Variants in OGDHL observed in about 807,000 individuals in gnomAD.
The protein encoded by OGDHL is oxoglutarate dehydrogenase L, also known as 2-oxoglutarate dehydrogenase-like, mitochondrial.
Under a neutral mutation model 109.6 loss-of-function variants are expected in OGDHL, and 79 were observed. The observed-to-expected ratio is 0.72, with a 90% CI of 0.60 to 0.87. OGDHL has a LOEUF of 0.87. Ranked by LOEUF, OGDHL falls within the 40% of genes least tolerant of loss-of-function variation. OGDHL has a pLI of 0.00. For missense variants in OGDHL, 1,275 were observed against 1,362.2 expected (o/e 0.94, Z 1.01); for synonymous variants, 528 against 537.2 (o/e 0.98, Z 0.24).
intron 4 of OGDHL, 23 bp from the exon 5 acceptor site, chr10:49,752,271 G>C: frequency 6.3e-7 from 1 of 1,585,804 alleles, no homozygotes; most frequent in Non-Finnish European, 8.6e-7. Context: ...GCGTGGCCGA[G>C]CCCCGGGCAG....
rs7910114 is a variant in OGDHL at position 49,745,784 on chromosome 10, G to A, written c.1476+14C>T. 0.2 allele frequency: 325,623 copies of A among 1,611,800 alleles called. 35,903 individuals carry two copies. The highest frequency in any genetic ancestry group is 0.41 in the African/African-American group (30,446 of 74,902). On this transcript the variant is annotated intron_variant, in intron 11 of 22. Coordinates refer to ENST00000374103, the MANE Select transcript of OGDHL (RefSeq NM_018245.3). ...GCCACCCACCCATGCCTTGGCCTCA[G>A]TCCCCAGACCCACCAGGTCCACGAC...
Position 49,745,416 on chromosome 10 carries a change from T to C in OGDHL, c.1557A>G (p.Arg519=). ...CGTACTTCTTCAGCACAGGCACCTG[T>C]CTGTGGATCTGCTTGTACATGAGCG... ...TQPLMYKQIH[R]QVPVLKKYAD... Residue 519 remains arginine (R), a synonymous_variant, in exon 12 of 23, where the codon AGA becomes AGG. Coordinates refer to ENST00000374103, the MANE Select transcript of OGDHL (RefSeq NM_018245.3). 1 of 1,614,138 alleles carries C rather than the reference T, an allele frequency of 6.2e-7. No individual in the cohort carries two copies.
chr10:49,752,009 G>A (rs374491002), intron 5 of OGDHL, 28 bp from the exon 6 acceptor site: 10 of 1,613,576 alleles, frequency 6.2e-6, no homozygotes, highest in Non-Finnish European at 5.9e-6. Context: ...GACCCCATGA[G>A]GAGCGGGGAA....
rs994166265 is a variant in OGDHL at position 49,742,051 on chromosome 10, C to T, written c.2012+777G>A. Among the ~76,000 whole-genome samples the T allele has an allele frequency of 4.9e-4, 65 of 132,812 alleles. 1 individual carries two copies. Among genetic ancestry groups the T allele is most frequent in the Non-Finnish European group, 1.6e-4 (10 of 63,716 alleles). The allele number at this position is 132,812 out of a possible 152,430, so 87.1% of individuals were successfully genotyped here. A position where few individuals can be genotyped will look rare whatever the true frequency, so the allele number is the denominator to read the frequency against. On this transcript the variant is annotated intron_variant, in intron 15 of 22. Transcript: ENST00000374103. Reference sequence around the variant, plus strand: ...CATGACACATACCACACATATCACACGCACACCACACTACACACCACACAC... The same window carrying T: ...CATGACACATACCACACATATCACATGCACACCACACTACACACCACACAC...
chr10:49,741,082 C>G (rs941508034), intron 15 of OGDHL, among the ~76,000 whole-genome samples: 1 of 152,148 alleles, frequency 6.6e-6, no homozygotes, highest in African/African-American at 2.4e-5. Flanking sequence ...GCCCACACAC[C>G]ACGCACTGGG....
intron 8 of OGDHL, 152 bp downstream of exon 8, chr10:49,749,574 A>G (rs1376273668): frequency 2.5e-5 from 17 of 670,316 alleles, no homozygotes; most frequent in Non-Finnish European, 4.2e-5. Context: ...TAGGGTCCTC[A>G]GGCAAACACC....
chr10:49,739,916 C>T (rs1167393855), intron 16 of OGDHL, 77 bp from the exon 17 acceptor site: 1 of 1,453,966 alleles, frequency 6.9e-7, no homozygotes, highest in Non-Finnish European at 9.3e-7. Context: ...TAGCCTTTCT[C>T]AGTATATCCT....
chr10:49,741,916 C>A (rs1383992696), intron 15 of OGDHL, among the ~76,000 whole-genome samples: 1 of 145,982 alleles, frequency 6.9e-6, no homozygotes, highest in Non-Finnish European at 1.5e-5. Flanking sequence ...AACACACACA[C>A]CACACAGACT....
Position 49,744,100 on chromosome 10 carries a change from C to T in OGDHL, c.1755G>A (p.Glu585=). 2 of 1,614,056 alleles carry T rather than the reference C, an allele frequency of 1.2e-6. No individual in the cohort carries two copies. The highest frequency in any genetic ancestry group is 1.7e-6 in the Non-Finnish European group (2 of 1,179,958). ...TGGCTGGGCATGTCATGCTCTTGGG[C>T]TCCCCATCTACGTTGAAGAAGCCTG... ...PWPGFFNVDG[E]PKSMTCPATG... Residue 585 remains glutamate, a synonymous_variant, in exon 14 of 23, where the codon GAG becomes GAA. Transcript: ENST00000374103.
chr10:49,749,898 G>A, intron 7 of OGDHL, 82 bp from the exon 8 acceptor site: 1 of 1,211,930 alleles, frequency 8.3e-7, no homozygotes. Flanking sequence ...GGCCTGGCCT[G>A]GCCTAATACA....
At chr10:49,746,601 C>A in intron 10 of OGDHL, 149 bp downstream of exon 10, 1 of 1,047,714 alleles carries the variant, frequency 9.5e-7, no homozygotes, top group Non-Finnish European at 1.4e-6. Context: ...CAGACCAGGA[C>A]ACCAAGGCTG....
At chr10:49,743,094 G>A in intron 14 of OGDHL, 116 bp from the exon 15 acceptor site, 1 of 1,340,198 alleles carries the variant, frequency 7.5e-7, no homozygotes, top group South Asian at 1.5e-5. Context: ...GATTTGGTTG[G>A]AGGGCAGGGA....
At chr10:49,757,432 C>T (rs1842982514) in intron 2 of OGDHL, among the ~76,000 whole-genome samples, 1 of 152,192 alleles carries the variant, frequency 6.6e-6, no homozygotes, top group African/African-American at 2.4e-5. Flanking sequence ...TCAGTTGGTA[C>T]AATCCCCATG....
At chr10:49,746,980 G>A (rs2133037690) in intron 9 of OGDHL, 49 bp downstream of exon 9, 1 of 1,608,604 alleles carries the variant, frequency 6.2e-7, no homozygotes, top group Non-Finnish European at 8.5e-7. Flanking sequence ...AGCCCTCTGG[G>A]CCCACCCTGA....
intron 22 of OGDHL, among the ~76,000 whole-genome samples, chr10:49,735,768 G>A (rs1342739411): frequency 6.6e-6 from 1 of 152,218 alleles, no homozygotes; most frequent in Non-Finnish European, 1.5e-5. Context: ...CCTTTGTAGA[G>A]ATGCAGGGAC....
rs143542877 is a variant in OGDHL, at chr10:49,738,236, G to C, written c.2346C>G (p.Pro782=). The change falls in exon 18 of 23, where the codon CCC becomes CCG. Residue 782 remains proline (P), a synonymous_variant. Transcript: ENST00000374103. ...GMGPEHSSAR[P]ERFLQMSNDD... The stretch of plus-strand genomic sequence containing the variant: ...CATTGCTCATCTGCAGGAACCTTTC[G>C]GGCCTCGCTGACGAGTGCTCTGGGC... The C allele has an allele frequency of 1.2e-6, 2 of 1,613,468 alleles. No individual in the cohort carries two copies. The highest frequency in any genetic ancestry group is 2.2e-5 in the East Asian group (1 of 44,856).
intron 12 of OGDHL, 150 bp downstream of exon 12, chr10:49,745,194 T>A: frequency 1.0e-6 from 1 of 976,178 alleles, no homozygotes; most frequent in Non-Finnish European, 1.5e-6. Context: ...TTGGTCCCCT[T>A]TGGTAACTGG....
intron 16 of OGDHL, 73 bp downstream of exon 16, chr10:49,740,637 G>A (rs1166665127): frequency 5.5e-5 from 85 of 1,544,114 alleles, no homozygotes; most frequent in Non-Finnish European, 6.8e-5. Context: ...CCCTGGCCCC[G>A]GTCCCTTCCC....
At chr10:49,745,717 G>A (rs1842129808) in intron 11 of OGDHL, 81 bp downstream of exon 11, 5 of 1,511,106 alleles carry the variant, frequency 3.3e-6, no homozygotes, top group Non-Finnish European at 4.5e-6. Context: ...CCTGAGTGCT[G>A]AAGATGCTGA....
Sources: allele counts gnomAD v4.1 joint callset (sites outside exome capture counted in the v4.1 genomes callset), GRCh38; gene constraint gnomAD v4.1.1; transcripts MANE v1.5; gene names NCBI Gene and HGNC (gene_info 2026-07-23, HGNC 2026-07-21).